Variants in DPP10 observed in about 807,000 individuals in gnomAD.
DPP10 encodes inactive dipeptidyl peptidase 10.
DPP10 carries 33 observed loss-of-function variants against 120.9 expected under a neutral mutation model. That is an observed-to-expected ratio of 0.27 (90% CI 0.21 to 0.37). The LOEUF is 0.37. Among genes scored for constraint, DPP10 ranks in the 10% least tolerant of loss-of-function variants. The pLI is 1.00. For missense variants in DPP10, 816 were observed against 942.8 expected (o/e 0.87, Z 1.76); for synonymous variants, 337 against 326.1 (o/e 1.03, Z -0.36).
intron 1 of DPP10, chr2:115,162,135 A>T (rs1022937228): frequency 6.6e-7 from 1 of 1,525,390 alleles, no homozygotes; most frequent in Non-Finnish European, 8.8e-7. Context: ...CCCTCTTCTC[A>T]CCCTCCCCCG....
chr2:114,633,816 T>C lies in DPP10; in HGVS notation c.60+190978T>C, dbSNP rs1255676671. Among the ~76,000 whole-genome samples, 3 of 151,622 alleles carry C rather than the reference T, an allele frequency of 2.0e-5. No homozygotes were observed. In the East Asian group the frequency reaches 5.8e-4, roughly 29 times the overall value. ...TTTTAGTACAGATGGGGTTTCCTTA[T>C]GTTAGCCAGACTGGTCTTGAACTCC... On this transcript the variant is annotated intron_variant, in intron 1 of 25. Coordinates refer to ENST00000410059, the MANE Select transcript of DPP10 (RefSeq NM_020868.6).
intron 1 of DPP10, among the ~76,000 whole-genome samples, chr2:114,888,740 G>T (rs1692294164): frequency 6.6e-6 from 1 of 152,104 alleles, no homozygotes; most frequent in South Asian, 2.1e-4. Flanking sequence ...ACCCAGCTTG[G>T]GTTAAAAATC....
intron 1 of DPP10, among the ~76,000 whole-genome samples, chr2:114,471,431 G>C (rs1308289499): frequency 1.3e-5 from 2 of 152,104 alleles, no homozygotes; most frequent in Non-Finnish European, 2.9e-5. Flanking sequence ...ATCAAATAGG[G>C]ATGGTAACAA....
chr2:114,569,484 T>C (rs77657397), intron 1 of DPP10, among the ~76,000 whole-genome samples: 2 of 152,098 alleles, frequency 1.3e-5, no homozygotes, highest in African/African-American at 4.8e-5. Context: ...TCCTGATAGG[T>C]GGGAGCTATT....
chr2:115,481,359 A>G (rs1323976995), intron 3 of DPP10, among the ~76,000 whole-genome samples: 2 of 152,156 alleles, frequency 1.3e-5, no homozygotes, highest in Admixed American at 6.5e-5. Context: ...ACATTCTTCA[A>G]AGCTTGAAGC....
chr2:115,685,295 A>G (rs1393782945), intron 5 of DPP10, among the ~76,000 whole-genome samples: 1 of 152,006 alleles, frequency 6.6e-6, no homozygotes, highest in Non-Finnish European at 1.5e-5. Context: ...TCTAAACTGT[A>G]TAAATCACTT....
At chr2:115,432,934 AT>A (rs1208756444) in intron 3 of DPP10, among the ~76,000 whole-genome samples, 1 of 151,970 alleles carries the variant, frequency 6.6e-6, no homozygotes, top group Non-Finnish European at 1.5e-5. Flanking sequence ...TATGGTCCAG[AT>A]TGATGGCATA....
chr2:115,403,204 T>C (rs1268894595), intron 3 of DPP10, among the ~76,000 whole-genome samples: 2 of 151,548 alleles, frequency 1.3e-5, no homozygotes, highest in Non-Finnish European at 1.5e-5. Flanking sequence ...TCAGCACCCT[T>C]TTCTTATAAA....
intron 17 of DPP10, among the ~76,000 whole-genome samples, chr2:115,788,713 T>G (rs1003316430): frequency 6.6e-6 from 1 of 152,200 alleles, no homozygotes; most frequent in African/African-American, 2.4e-5. Context: ...TATATAAATA[T>G]GCAATTAACA....
At position 114,567,865 on chromosome 2, in the gene DPP10, C is replaced by T. The variant is rs115753640; in HGVS notation, c.60+125027C>T. Among the ~76,000 whole-genome samples, 750 of 151,910 alleles carry T rather than the reference C, an allele frequency of 4.9e-3. 8 individuals carry two copies. Among genetic ancestry groups the T allele is most frequent in the African/African-American group, 0.017 (707 of 41,422 alleles). ...ACACACACTGGGGCCTGTGGGAGGT[C>T]GGGGACTGGAGGAAGGGAGAACATC... On this transcript the variant is annotated intron_variant, in intron 1 of 25. Coordinates refer to ENST00000410059, the MANE Select transcript of DPP10 (RefSeq NM_020868.6).
At chr2:115,159,184 C>A (rs896561002) in intron 1 of DPP10, among the ~76,000 whole-genome samples, 7 of 152,074 alleles carry the variant, frequency 4.6e-5, no homozygotes, top group Admixed American at 3.3e-4. Flanking sequence ...AGTGGCATGG[C>A]ATGGTGGCTC....
chr2:114,511,325 C>A (rs1414326424), intron 1 of DPP10, among the ~76,000 whole-genome samples: 1 of 152,120 alleles, frequency 6.6e-6, no homozygotes, highest in Non-Finnish European at 1.5e-5. Flanking sequence ...GGAATTCAGG[C>A]CCTGAGAAAG....
intron 1 of DPP10, among the ~76,000 whole-genome samples, chr2:114,971,145 A>G (rs777557021): frequency 1.3e-5 from 2 of 152,200 alleles, no homozygotes; most frequent in Admixed American, 6.5e-5. Context: ...TAGTGTTATC[A>G]CATTTAGAGC....
intron 4 of DPP10, among the ~76,000 whole-genome samples, chr2:115,514,040 T>C (rs2077372097): frequency 1.3e-5 from 2 of 151,978 alleles, no homozygotes; most frequent in Non-Finnish European, 1.5e-5. Flanking sequence ...TATAGAATTC[T>C]TTGTTGACAA....
chr2:115,365,450 T>C (rs773912022), intron 3 of DPP10, among the ~76,000 whole-genome samples: 1 of 151,994 alleles, frequency 6.6e-6, no homozygotes, highest in Non-Finnish European at 1.5e-5. Flanking sequence ...ATGGTCCAAG[T>C]TGTCAAGCAG....
intron 5 of DPP10, among the ~76,000 whole-genome samples, chr2:115,566,109 A>G (rs534061585): frequency 6.6e-6 from 1 of 152,190 alleles, no homozygotes; most frequent in African/African-American, 2.4e-5. Context: ...TTTTGACAAT[A>G]ATACTATCGA....
At chr2:115,231,690 C>T (rs929802352) in intron 1 of DPP10, among the ~76,000 whole-genome samples, 1 of 152,170 alleles carries the variant, frequency 6.6e-6, no homozygotes, top group Non-Finnish European at 1.5e-5. Flanking sequence ...CTGTTTGTAA[C>T]AAGCGTTAGC....
intron 20 of DPP10, among the ~76,000 whole-genome samples, 173 bp from the exon 21 acceptor site, chr2:115,815,502 C>T (rs551467795): frequency 2.0e-5 from 3 of 152,178 alleles, no homozygotes; most frequent in Non-Finnish European, 4.4e-5. Flanking sequence ...ACTAGGCCAT[C>T]ACTTTGAGTA....
intron 4 of DPP10, among the ~76,000 whole-genome samples, chr2:115,517,027 T>A (rs1455465411): frequency 2.0e-5 from 3 of 152,140 alleles, no homozygotes; most frequent in Admixed American, 6.6e-5. Context: ...GGAATGTCAT[T>A]TGTGTTTTTA....
Sources: allele counts gnomAD v4.1 joint callset (sites outside exome capture counted in the v4.1 genomes callset), GRCh38; gene constraint gnomAD v4.1.1; transcripts MANE v1.5; gene names NCBI Gene and HGNC (gene_info 2026-07-23, HGNC 2026-07-21).